Variants in EIF4E3 observed in about 807,000 individuals in gnomAD.
The protein encoded by EIF4E3 is eukaryotic translation initiation factor 4E family member 3, also known as eukaryotic translation initiation factor 4E type 3.
Under a neutral mutation model 31.7 loss-of-function variants are expected in EIF4E3, and 26 were observed. The observed-to-expected ratio is 0.82, with a 90% CI of 0.60 to 1.14. The LOEUF is 1.14. EIF4E3 is among the 50% of genes most tolerant of loss of function. The pLI, the probability that EIF4E3 is intolerant of heterozygous loss-of-function variation, is 0.00. For synonymous variants in EIF4E3, 128 were observed against 107.7 expected (o/e 1.19, Z -1.17); for missense variants, 304 against 270.9 (o/e 1.12, Z -0.86).
At chr3:71,735,825 A>AT (rs1381098397) in intron 1 of EIF4E3, among the ~76,000 whole-genome samples, 3 of 152,178 alleles carry the variant, frequency 2.0e-5, no homozygotes, top group Admixed American at 2.0e-4. Context: ...AATGAGAAGA[A>AT]AACATTTTCA....
At chr3:71,671,182 A>T (rs1466599040), downstream of EIF4E3, among the ~76,000 whole-genome samples, 1 of 152,126 alleles carries the variant, frequency 6.6e-6, no homozygotes, top group Admixed American at 6.5e-5. Context: ...GCCATAGAGG[A>T]GGCTAAAAGA....
At chr3:71,665,665 A>G in the EIF4E3 span, among the ~76,000 whole-genome samples, 1 of 152,196 alleles carries the variant, frequency 6.6e-6, no homozygotes, top group Non-Finnish European at 1.5e-5. Context: ...TCTCAGCACC[A>G]CACAGCACTT....
upstream of EIF4E3, among the ~76,000 whole-genome samples, chr3:71,728,879 C>T (rs2049670820): frequency 6.6e-6 from 1 of 152,138 alleles, no homozygotes; most frequent in Non-Finnish European, 1.5e-5. Context: ...AAAGAAAGGC[C>T]CAGAGAAGCT....
chr3:71,707,161 G>A (rs140361796), intron 2 of EIF4E3, among the ~76,000 whole-genome samples: 6 of 152,326 alleles, frequency 3.9e-5, no homozygotes, highest in African/African-American at 7.2e-5. Context: ...TATGGCAGAT[G>A]ATTGGGTACT....
At chr3:71,723,364 CAT>C (rs1162303485) in intron 1 of EIF4E3, among the ~76,000 whole-genome samples, 1 of 152,158 alleles carries the variant, frequency 6.6e-6, no homozygotes, top group Non-Finnish European at 1.5e-5. Context: ...TATTGGAACT[CAT>C]TATAATTTCT....
Position 71,725,234 on chromosome 3 carries a change from C to A in EIF4E3, c.134G>T (p.Gly45Val). 8.8e-7 allele frequency: 1 copy of A among 1,130,760 alleles called. No individual in the cohort carries two copies. Among genetic ancestry groups the A allele is most frequent in the Non-Finnish European group, 1.1e-6 (1 of 917,660 alleles). The allele number at this position is 1,130,760 out of a possible 1,614,324, so 70.0% of individuals were successfully genotyped here. The stretch of plus-strand genomic sequence containing the variant: ...CCAGGACGAGTGCAGCGGGACCCCG[C>A]CCGGCTCAGGCTGCAGCGCCGACAG... ...QQLSALQPEP[G>V]GVPLHSSWTF... Residue 45 changes from glycine (G) to valine (V), a missense_variant, in exon 1 of 7, where the codon GGC (glycine) becomes GTC (valine). Transcript: ENST00000425534. The surrounding 1 kb of genome is among the most constrained non-coding windows in gnomAD (Gnocchi z 6.1).
Position 71,684,657 on chromosome 3 carries a change from A to G in EIF4E3, c.*25T>C. ...CGTTTCCAAAACCAATCAGCAAAGG[A>G]CAAAGAATTCTTTACAGAGTGCAAT... On this transcript the variant is annotated 3_prime_UTR_variant, in exon 7 of 7. Transcript: ENST00000425534. 6.2e-7 allele frequency: 1 copy of G among 1,613,844 alleles called. No homozygotes were observed. The highest frequency in any genetic ancestry group is 8.5e-7 in the Non-Finnish European group (1 of 1,179,868).
intron 1 of EIF4E3, among the ~76,000 whole-genome samples, chr3:71,745,739 A>G (rs1291925711): frequency 4.6e-5 from 7 of 152,194 alleles, no homozygotes; most frequent in Non-Finnish European, 1.0e-4. Flanking sequence ...GAGTCTGTCA[A>G]TGCAAAATTT....
At chr3:71,696,645 AT>A in intron 3 of EIF4E3, 125 bp from the exon 4 acceptor site, 2 of 1,048,458 alleles carry the variant, frequency 1.9e-6, no homozygotes, top group Middle Eastern at 2.2e-4. Context: ...ATAGTTGGGC[AT>A]TTTTCTTATT....
chr3:71,697,728 T>C (rs2108042501), intron 3 of EIF4E3, among the ~76,000 whole-genome samples: 1 of 152,346 alleles, frequency 6.6e-6, no homozygotes, highest in South Asian at 2.1e-4. Flanking sequence ...ATCCATGTTG[T>C]TGCAAATGGC....
rs79442427 is a variant in EIF4E3, at chr3:71,704,259, T to C, written c.250-4551A>G. ...AACTCTGAGTTGGGGAGTTAAAAGC[T>C]TGGAGAGAGAGGACAGTGGGGTTAA... is the stretch of plus-strand genomic sequence containing the variant. On this transcript the variant is annotated intron_variant, in intron 2 of 6. Coordinates refer to ENST00000425534, the MANE Select transcript of EIF4E3 (RefSeq NM_001134651.2). 9.4e-3 allele frequency among the ~76,000 whole-genome samples: 1,434 copies of C among 152,212 alleles called. 20 individuals carry two copies. Among genetic ancestry groups the C allele is most frequent in the African/African-American group, 0.033 (1,371 of 41,512 alleles).
At chr3:71,736,588 T>C (rs1240502212) in intron 1 of EIF4E3, among the ~76,000 whole-genome samples, 2 of 152,196 alleles carry the variant, frequency 1.3e-5, no homozygotes, top group Non-Finnish European at 2.9e-5. Context: ...TAACATAACA[T>C]TGCAGAAAAG....
upstream of EIF4E3, chr3:71,754,742 C>T: frequency 7.2e-7 from 1 of 1,395,860 alleles, no homozygotes. The surrounding 1 kb of genome is among the most constrained non-coding windows in gnomAD (Gnocchi z 5.8). Flanking sequence ...CCTTCCACGG[C>T]CCGGGCGCCA....
chr3:71,666,576 C>T, the EIF4E3 span, among the ~76,000 whole-genome samples: 18 of 152,158 alleles, frequency 1.2e-4, no homozygotes, highest in Admixed American at 4.6e-4. Flanking sequence ...AAAAGGGACT[C>T]CTCCCTAACT....
At chr3:71,738,496 A>T in intron 1 of EIF4E3, among the ~76,000 whole-genome samples, 1 of 152,250 alleles carries the variant, frequency 6.6e-6, no homozygotes, top group East Asian at 1.9e-4. Flanking sequence ...ATAACCCCAC[A>T]AAGTTAAGAG....
chr3:71,749,954 T>C (rs978464315), intron 1 of EIF4E3, among the ~76,000 whole-genome samples: 1 of 152,170 alleles, frequency 6.6e-6, no homozygotes, highest in Non-Finnish European at 1.5e-5. Context: ...TGAACAAATG[T>C]TGATAATGAA....
chr3:71,673,909 T>TTATATATATATATATA (rs796175405), downstream of EIF4E3, among the ~76,000 whole-genome samples: 15 of 138,098 alleles, frequency 1.1e-4, no homozygotes, highest in African/African-American at 3.8e-4. Flanking sequence ...AATATAATAA[T>TTATATATATATATATA]TATATATATA....
intron 5 of EIF4E3, among the ~76,000 whole-genome samples, chr3:71,692,927 T>C (rs2049083775): frequency 6.6e-6 from 1 of 152,054 alleles, no homozygotes; most frequent in African/African-American, 2.4e-5. Flanking sequence ...AAAAGTGGTG[T>C]AAGAAGTAAG....
intron 6 of EIF4E3, among the ~76,000 whole-genome samples, chr3:71,685,553 G>A (rs1431847909): frequency 1.3e-5 from 2 of 152,018 alleles, no homozygotes; most frequent in African/African-American, 2.4e-5. Flanking sequence ...GTAGAGATGG[G>A]GGTCTCACCA....
Sources: allele counts gnomAD v4.1 joint callset (sites outside exome capture counted in the v4.1 genomes callset), GRCh38; gene constraint gnomAD v4.1.1; non-coding constraint Gnocchi (gnomAD v3.1); transcripts MANE v1.5; gene names NCBI Gene and HGNC (gene_info 2026-07-23, HGNC 2026-07-21).